ST8SIA4: variants seen among roughly 807,000 people sequenced by gnomAD.
The protein encoded by ST8SIA4 is CMP-N-acetylneuraminate-poly-alpha-2,8-sialyltransferase.
ST8SIA4 carries 15 observed loss-of-function variants against 33.9 expected under a neutral mutation model. The observed-to-expected ratio is 0.44, with a 90% CI of 0.30 to 0.68. The LOEUF is 0.68. Among genes scored for constraint, ST8SIA4 ranks in the 30% least tolerant of loss-of-function variants. ST8SIA4 has a pLI of 0.10. For synonymous variants in ST8SIA4, 171 were observed against 151.2 expected (o/e 1.13, Z -0.96); for missense variants, 321 against 428.0 (o/e 0.75, Z 2.21).
At chr5:100,865,608 C>T (rs1752044196) in intron 3 of ST8SIA4, among the ~76,000 whole-genome samples, 1 of 152,104 alleles carries the variant, frequency 6.6e-6, no homozygotes, top group Non-Finnish European at 1.5e-5. Flanking sequence ...AAAACCATTA[C>T]CTGTAGTGTT....
chr5:100,847,908 G>A lies in ST8SIA4; in HGVS notation c.797+8195C>T, dbSNP rs1033333235. On this transcript the variant is annotated intron_variant, in intron 4 of 4. Coordinates refer to ENST00000231461, the MANE Select transcript of ST8SIA4 (RefSeq NM_005668.6). ...TAGCAAAACTCTGGGAATCCTGGGC[G>A]GGTACATTAAGTGATATCCTCTTGT... Among the ~76,000 whole-genome samples the A allele has an allele frequency of 5.9e-5, 9 of 152,096 alleles. No homozygotes were observed. In the East Asian group the frequency reaches 1.2e-3, roughly 20 times the overall value.
At chr5:100,864,031 T>C (rs1752006843) in intron 3 of ST8SIA4, among the ~76,000 whole-genome samples, 2 of 152,204 alleles carry the variant, frequency 1.3e-5, no homozygotes, top group Non-Finnish European at 2.9e-5. Flanking sequence ...GAGACTTGAA[T>C]GGTATGACTA....
At chr5:100,824,565 T>G (rs1287566835) in intron 4 of ST8SIA4, among the ~76,000 whole-genome samples, 1 of 152,104 alleles carries the variant, frequency 6.6e-6, no homozygotes, top group Non-Finnish European at 1.5e-5. Context: ...AGGCTTTTTA[T>G]TTTTGGTCTA....
chr5:100,820,835 T>A (rs1277692102), intron 4 of ST8SIA4, among the ~76,000 whole-genome samples: 1 of 152,130 alleles, frequency 6.6e-6, no homozygotes, highest in Admixed American at 6.5e-5. Flanking sequence ...TAGTAAAATA[T>A]CTTTTGGGAG....
chr5:100,856,488 A>AT (rs1334273746), intron 3 of ST8SIA4, 92 bp from the exon 4 acceptor site: 50 of 1,269,812 alleles, frequency 3.9e-5, no homozygotes, highest in East Asian at 5.0e-5. Flanking sequence ...GGAAATAAGC[A>AT]TTTTTTTAAC....
intron 3 of ST8SIA4, among the ~76,000 whole-genome samples, chr5:100,879,158 T>TA: frequency 6.6e-6 from 1 of 152,360 alleles, no homozygotes; most frequent in South Asian, 2.1e-4. Flanking sequence ...AAGTCCAGAA[T>TA]ACATTATGAA....
At chr5:100,819,562 A>G (rs1750996272) in intron 4 of ST8SIA4, among the ~76,000 whole-genome samples, 1 of 152,342 alleles carries the variant, frequency 6.6e-6, no homozygotes, top group Admixed American at 6.5e-5. Context: ...GAGATGGTGC[A>G]ATGAGATCTT....
intron 3 of ST8SIA4, among the ~76,000 whole-genome samples, chr5:100,877,430 C>T (rs1435900293): frequency 6.6e-6 from 1 of 152,072 alleles, no homozygotes; most frequent in Non-Finnish European, 1.5e-5. Flanking sequence ...TACGCATACA[C>T]TTGAGGAAGG....
intron 3 of ST8SIA4, among the ~76,000 whole-genome samples, chr5:100,865,274 C>A (rs1752038108): frequency 6.6e-6 from 1 of 152,092 alleles, no homozygotes; most frequent in Non-Finnish European, 1.5e-5. Context: ...AACAGGGCCC[C>A]TTTCTACATT....
intron 3 of ST8SIA4, among the ~76,000 whole-genome samples, chr5:100,864,349 T>C (rs964625399): frequency 6.6e-6 from 1 of 151,812 alleles, no homozygotes; most frequent in Non-Finnish European, 1.5e-5. Flanking sequence ...CCGAGGTGGC[T>C]GGATCACGAG....
chr5:100,843,623 G>T (rs749304289), intron 4 of ST8SIA4, among the ~76,000 whole-genome samples: 1 of 151,804 alleles, frequency 6.6e-6, no homozygotes, highest in Non-Finnish European at 1.5e-5. Flanking sequence ...AAAGCAGCAG[G>T]CATTTACACA....
At chr5:100,861,569 G>A (rs991675701) in intron 3 of ST8SIA4, among the ~76,000 whole-genome samples, 1 of 152,052 alleles carries the variant, frequency 6.6e-6, no homozygotes, top group African/African-American at 2.4e-5. Flanking sequence ...GGGGAAGCGT[G>A]CCAAGGAAAA....
chr5:100,821,835 T>C (rs1196397850), intron 4 of ST8SIA4, among the ~76,000 whole-genome samples: 7 of 152,214 alleles, frequency 4.6e-5, no homozygotes, highest in Admixed American at 3.9e-4. Context: ...CTTTATTCTC[T>C]ATTTTTATTC....
At chr5:100,868,263 G>GAATA (rs1752120466) in intron 3 of ST8SIA4, among the ~76,000 whole-genome samples, 1 of 151,964 alleles carries the variant, frequency 6.6e-6, no homozygotes, top group Admixed American at 6.6e-5. Flanking sequence ...GAATAAAAAA[G>GAATA]GATAGAGCGG....
At chr5:100,852,555 A>G (rs917417865) in intron 4 of ST8SIA4, among the ~76,000 whole-genome samples, 33 of 152,144 alleles carry the variant, frequency 2.2e-4, no homozygotes, top group African/African-American at 7.2e-4. Context: ...GCTTTCATAC[A>G]TTCTCTTAAA....
chr5:100,832,333 C>T (rs1289169100), intron 4 of ST8SIA4, among the ~76,000 whole-genome samples: 1 of 151,898 alleles, frequency 6.6e-6, no homozygotes, highest in Non-Finnish European at 1.5e-5. Context: ...CTAAGGGAAG[C>T]CTTCTCAATT....
chr5:100,899,515 G>T (rs952179796), intron 1 of ST8SIA4, among the ~76,000 whole-genome samples: 21 of 152,046 alleles, frequency 1.4e-4, no homozygotes, highest in Non-Finnish European at 1.5e-5. Flanking sequence ...AACTAATATT[G>T]TTGATTATTT....
chr5:100,816,616 T>G, intron 4 of ST8SIA4: 3 of 505,918 alleles, frequency 5.9e-6, no homozygotes, highest in South Asian at 4.6e-5. Context: ...AAATCAAATG[T>G]GACAATTTCT....
chr5:100,851,299 A>G (rs1241485356), intron 4 of ST8SIA4, among the ~76,000 whole-genome samples: 1 of 151,916 alleles, frequency 6.6e-6, no homozygotes, highest in African/African-American at 2.4e-5. Flanking sequence ...TTTAAAATAT[A>G]CTATTAGTTT....
Sources: allele counts gnomAD v4.1 joint callset (sites outside exome capture counted in the v4.1 genomes callset), GRCh38; gene constraint gnomAD v4.1.1; transcripts MANE v1.5; gene names NCBI Gene and HGNC (gene_info 2026-07-23, HGNC 2026-07-21).